Variants in ROR2 observed in about 807,000 individuals in gnomAD.
The protein encoded by ROR2 is tyrosine-protein kinase transmembrane receptor ROR2.
A neutral mutation model predicts 74.9 loss-of-function variants in ROR2; 33 were observed. That is an observed-to-expected ratio of 0.44 (90% confidence interval 0.33 to 0.59). The LOEUF (loss-of-function observed/expected upper bound fraction) is 0.59. ROR2 is among the 20% of genes least tolerant of loss of function. The pLI is 0.02. For missense variants in ROR2, 1,216 were observed against 1,313.8 expected, an observed-to-expected ratio of 0.93 and a Z score of 1.15; for synonymous variants, 586 against 558.7, an observed-to-expected ratio of 1.05 and a Z score of -0.69.
At position 91,740,833 on chromosome 9, in the gene ROR2, G is replaced by A. The variant is rs773095021; in HGVS notation, c.495-3315C>T. Among the ~76,000 whole-genome samples the A allele has an allele frequency of 6.6e-5, 10 of 152,174 alleles. 1 individual carries two copies. In the Middle Eastern group the frequency reaches 0.014, roughly 207 times the overall value. ...GCAGCTATAAAATTCCTTCAGCAAC[G>A]TAAGTGCAGTAGACATGCTCACCAG... On this transcript the variant is annotated intron_variant, in intron 4 of 8. Transcript: ENST00000375708.
intron 1 of ROR2, among the ~76,000 whole-genome samples, chr9:91,803,713 T>A (rs1444093250): frequency 1.3e-5 from 2 of 152,250 alleles, no homozygotes; most frequent in Non-Finnish European, 2.9e-5. Context: ...GCCTTGCGTA[T>A]GGGTCCTTGG....
intron 4 of ROR2, among the ~76,000 whole-genome samples, chr9:91,738,250 C>T (rs1193449597): frequency 6.6e-6 from 1 of 152,058 alleles, no homozygotes; most frequent in Non-Finnish European, 1.5e-5. Flanking sequence ...AGAAGGAGGG[C>T]GGGAAGACTC....
chr9:91,875,755 T>C (rs1829937530), intron 1 of ROR2, among the ~76,000 whole-genome samples: 1 of 152,044 alleles, frequency 6.6e-6, no homozygotes, highest in Non-Finnish European at 1.5e-5. Flanking sequence ...AACAGACACA[T>C]AGCACAGCAA....
chr9:91,914,829 GTCCACAGGGCAAACT>G (rs1225357387), intron 1 of ROR2, among the ~76,000 whole-genome samples: 1 of 152,132 alleles, frequency 6.6e-6, no homozygotes, highest in Non-Finnish European at 1.5e-5. Flanking sequence ...CACAAAGGAG[GTCCACAGGGCAAACT>G]TACACAGGGC....
intron 1 of ROR2, among the ~76,000 whole-genome samples, chr9:91,878,518 C>T (rs17516141): frequency 0.04 from 6,138 of 152,264 alleles, 161 homozygotes; most frequent in Non-Finnish European, 0.056. Flanking sequence ...AATGTAGTTT[C>T]CTAAGGACAG....
In ROR2 at chr9:91,871,051, G is replaced by A. The variant is rs187881744; in HGVS notation, c.97+78816C>T. ...TCCAGGAAGAGGCAGAAATGTCCAG[G>A]TTTAGGGACTCTCCTGACCAAAGAA... On this transcript the variant is annotated intron_variant, in intron 1 of 8. Coordinates refer to ENST00000375708, the MANE Select transcript of ROR2 (RefSeq NM_004560.4). Among the ~76,000 whole-genome samples, 314 of 152,336 alleles carry A rather than the reference G, an allele frequency of 2.1e-3. 1 individual carries two copies. Among genetic ancestry groups the A allele is most frequent in the Non-Finnish European group, 3.1e-3 (208 of 68,028 alleles).
At chr9:91,893,940 C>A (rs1247967051) in intron 1 of ROR2, among the ~76,000 whole-genome samples, 5 of 152,208 alleles carry the variant, frequency 3.3e-5, no homozygotes, top group Non-Finnish European at 7.4e-5. Flanking sequence ...CTCCAGAATT[C>A]TTTTCACTTT....
intron 1 of ROR2, among the ~76,000 whole-genome samples, chr9:91,898,122 C>G (rs966980817): frequency 1.3e-5 from 2 of 152,162 alleles, no homozygotes; most frequent in African/African-American, 4.8e-5. Context: ...TCATGGTCAC[C>G]GGTTCTGGAA....
chr9:91,731,990 A>T (rs1837259603), intron 6 of ROR2, among the ~76,000 whole-genome samples: 2 of 152,148 alleles, frequency 1.3e-5, no homozygotes, highest in South Asian at 4.1e-4. Context: ...CCCACGGGTT[A>T]GTACTGGTGT....
At position 91,723,652 on chromosome 9, in the gene ROR2, C is replaced by G; in HGVS notation, c.*10G>C. On this transcript the variant is annotated 3_prime_UTR_variant, in exon 9 of 9. Transcript: ENST00000375708. ...GGCTTCTATCCCCGAACCCCGGGCC[C>G]TGGTGCCACTCAAGCTTCCAGCTGG... 6.2e-7 allele frequency: 1 copy of G among 1,613,136 alleles called. No homozygotes were observed. Among genetic ancestry groups the G allele is most frequent in the Non-Finnish European group, 8.5e-7 (1 of 1,179,768 alleles).
At chr9:91,947,376 A>C (rs1386018992) in intron 1 of ROR2, among the ~76,000 whole-genome samples, 1 of 152,242 alleles carries the variant, frequency 6.6e-6, no homozygotes, top group Non-Finnish European at 1.5e-5. Flanking sequence ...GCAGGATCTC[A>C]CAATTATACT....
intron 5 of ROR2, among the ~76,000 whole-genome samples, chr9:91,734,358 G>C (rs560920793): frequency 1.3e-5 from 2 of 152,352 alleles, no homozygotes; most frequent in East Asian, 3.9e-4. Flanking sequence ...ACACCCAGCA[G>C]AGGCTGTGTC....
intron 2 of ROR2, 35 bp downstream of exon 2, chr9:91,775,706 G>A: frequency 2.5e-6 from 4 of 1,593,438 alleles, no homozygotes; most frequent in Non-Finnish European, 3.4e-6. Flanking sequence ...AGGGCATTTG[G>A]AGGACATGGA....
At chr9:91,788,673 T>C (rs1826874831) in intron 1 of ROR2, among the ~76,000 whole-genome samples, 5 of 152,070 alleles carry the variant, frequency 3.3e-5, no homozygotes, top group Admixed American at 3.3e-4. Context: ...AAGACCAGCC[T>C]GGCCAACATG....
At position 91,737,074 on chromosome 9, in the gene ROR2, C is replaced by T. The variant is rs142453922; in HGVS notation, c.622+317G>A. On this transcript the variant is annotated intron_variant, in intron 5 of 8. Coordinates refer to ENST00000375708, the MANE Select transcript of ROR2 (RefSeq NM_004560.4). ...GCTATCTGCGCCAGTGTGGCAGGCC[C>T]GGGGCAGGAGGCCCTGGCGTTGCAG... Among the ~76,000 whole-genome samples the T allele has an allele frequency of 6.2e-4, 94 of 152,300 alleles. 1 individual carries two copies. In the East Asian group the frequency reaches 0.018, roughly 28 times the overall value.
At chr9:91,729,907 G>A (rs1430302193) in intron 7 of ROR2, among the ~76,000 whole-genome samples, 1 of 152,234 alleles carries the variant, frequency 6.6e-6, no homozygotes, top group East Asian at 1.9e-4. Context: ...CTGGTGGGTG[G>A]AAGGGAAATA....
intron 4 of ROR2, among the ~76,000 whole-genome samples, chr9:91,743,131 A>G (rs1429296538): frequency 6.6e-6 from 1 of 152,222 alleles, no homozygotes; most frequent in African/African-American, 2.4e-5. Flanking sequence ...CCACTGTTAC[A>G]TGATGCATGA....
chr9:91,939,984 T>C (rs10115262), intron 1 of ROR2, among the ~76,000 whole-genome samples: 22,030 of 152,184 alleles, frequency 0.14, 3,516 homozygotes, highest in African/African-American at 0.4. Flanking sequence ...CACAAAGATG[T>C]CCAAGAGAGA....
At chr9:91,806,142 C>A (rs10820904) in intron 1 of ROR2, among the ~76,000 whole-genome samples, 4,565 of 152,248 alleles carry the variant, frequency 0.03, 118 homozygotes, top group East Asian at 0.14. Context: ...GAAATAGGGA[C>A]AGGGGGTTCT....
Sources: gnomAD v4.1 joint callset for allele counts (sites outside exome capture counted in the v4.1 genomes callset) on GRCh38, gnomAD v4.1.1 for gene constraint, MANE v1.5 for transcripts, NCBI Gene and HGNC (gene_info 2026-07-23, HGNC 2026-07-21) for gene names.